The following VWA5B1 variants were observed in gnomAD, a reference collection of about 807,000 sequenced individuals.
VWA5B1 encodes von Willebrand factor A domain containing 5B1, also known as von Willebrand factor A domain-containing protein 5B1.
In VWA5B1, 115 loss-of-function variants were observed where a neutral mutation model predicts 118.2. That is an observed-to-expected ratio of 0.97 (90% CI 0.84 to 1.14). The LOEUF is 1.14. Ranked by LOEUF, VWA5B1 falls within the 50% of genes most tolerant of loss-of-function variation. The probability of loss-of-function intolerance (pLI) is 0.00; values close to 1 mark genes in which losing one functional copy is unlikely to be tolerated. For missense variants in VWA5B1, 1,596 were observed against 1,603.8 expected, an observed-to-expected ratio of 1.00 and a Z score of 0.08; for synonymous variants, 682 against 658.4, an observed-to-expected ratio of 1.04 and a Z score of -0.55.
At chr1:20,301,038 G>A (rs556980392) in intron 1 of VWA5B1, among the ~76,000 whole-genome samples, 24 of 152,358 alleles carry the variant, frequency 1.6e-4, no homozygotes, top group African/African-American at 5.1e-4. Flanking sequence ...GGCGCATTGT[G>A]TACGGGGAAG....
Position 20,314,528 on chromosome 1 carries a change from T to G in VWA5B1, c.499T>G (p.Cys167Gly). 2 of 1,551,716 alleles carry G rather than the reference T, an allele frequency of 1.3e-6. No homozygotes were observed. Among genetic ancestry groups the G allele is most frequent in the Non-Finnish European group, 1.7e-6 (2 of 1,147,014 alleles). The change falls in exon 4 of 22, where the codon TGT becomes GGT. Residue 167 changes from cysteine (C) to glycine (G), a missense_variant. Physicochemically the swap from Cys to Gly is radical, Grantham distance 159. Coordinates refer to ENST00000289815, the MANE Select transcript of VWA5B1 (RefSeq NM_001039500.3). Reference sequence around the variant, plus strand: ...TGTGAGGGTCCTTCTGCCTGCTGTCTGTGCCCCAACCGTGCCCCAGTTCTG... The same window carrying G: ...TGTGAGGGTCCTTCTGCCTGCTGTCGGTGCCCCAACCGTGCCCCAGTTCTG... ...GAVRVLLPAV[C>G]APTVPQFCTK... is the part of the protein sequence containing the mutation.
Position 20,317,535 on chromosome 1 carries a change from AC to A in VWA5B1, c.570del (p.Asp190GlufsTer22). ...TTCCCCCGGCCCTTTTCCAGCAAAG[AC>A]AGGCACTGCTTCGGTGCCTGGGCCC... Reference protein sequence around the residue: ...GTSNQQAQGKDRHCFGAWAPG... With the variant: ...GTSNQQAQGKXRHCFGAWAPG... On this transcript the variant is annotated frameshift_variant, in exon 5 of 22. Coordinates refer to ENST00000289815, the MANE Select transcript of VWA5B1 (RefSeq NM_001039500.3). LOFTEE classifies it high-confidence loss of function. 1 of 1,551,454 alleles carries A rather than the reference AC, an allele frequency of 6.4e-7. No homozygotes were observed. The highest frequency in any genetic ancestry group is 1.4e-5 in the African/African-American group (1 of 73,086).
chr1:20,348,768 GTTTC>G (rs2090063322), intron 18 of VWA5B1, among the ~76,000 whole-genome samples: 1 of 152,206 alleles, frequency 6.6e-6, no homozygotes, highest in African/African-American at 2.4e-5. Flanking sequence ...CCCACCATCT[GTTTC>G]TTTCAGGATT....
intron 1 of VWA5B1, among the ~76,000 whole-genome samples, chr1:20,304,143 C>T (rs2088577015): frequency 6.6e-6 from 1 of 152,170 alleles, no homozygotes; most frequent in Non-Finnish European, 1.5e-5. Flanking sequence ...TCAGAACTCA[C>T]AGCCCCATGG....
chr1:20,304,512 A>G (rs896592294), intron 1 of VWA5B1, among the ~76,000 whole-genome samples: 1 of 151,370 alleles, frequency 6.6e-6, no homozygotes, highest in African/African-American at 2.4e-5. Flanking sequence ...ACTCTTTTGG[A>G]CAAAATCAAT....
At chr1:20,316,777 C>T (rs2089022480) in intron 4 of VWA5B1, among the ~76,000 whole-genome samples, 1 of 152,160 alleles carries the variant, frequency 6.6e-6, no homozygotes. Flanking sequence ...AGAAATGACT[C>T]GCAGGGCTTG....
At chr1:20,351,028 C>A in intron 20 of VWA5B1, 102 bp downstream of exon 20, 1 of 1,189,152 alleles carries the variant, frequency 8.4e-7, no homozygotes, top group Non-Finnish European at 1.2e-6. Context: ...CAGGTTCAGC[C>A]TGACATTTAG....
chr1:20,314,597 G>C lies in VWA5B1; in HGVS notation c.563+5G>C. On this transcript the variant is annotated splice_donor_5th_base_variant and intron_variant, in intron 4 of 21. Transcript: ENST00000289815. ...CTCCAACCAACAGGCCCAGGGGTAA[G>C]GAAGCCCTGCCCAGACCAATCAGAG... 1 of 1,550,890 alleles carries C rather than the reference G, an allele frequency of 6.4e-7. No homozygotes were observed. Among genetic ancestry groups the C allele is most frequent in the Non-Finnish European group, 8.7e-7 (1 of 1,146,746 alleles).
At position 20,354,644 on chromosome 1, in the gene VWA5B1, C is replaced by CACGT. The variant is rs1300137532; in HGVS notation, c.*382_*385dup. 3 of 251,546 alleles carry CACGT rather than the reference C, an allele frequency of 1.2e-5. No homozygotes were observed. The highest frequency in any genetic ancestry group is 2.3e-5 in the Non-Finnish European group (3 of 130,684). 15.6% of individuals were successfully genotyped at this position (251,546 alleles called of 1,614,324 possible). A position where few individuals can be genotyped will look rare whatever the true frequency, so the allele number is the denominator to read the frequency against. ...GCCTGAGCCCTGTCTGGAGGTAGAC[C>CACGT]ACGTGGGCACGGAGTGGACACAGCA... On this transcript the variant is annotated 3_prime_UTR_variant, in exon 22 of 22. Transcript: ENST00000289815.
Position 20,341,014 on chromosome 1 carries a change from C to T in VWA5B1, c.2134-1418C>T, listed in dbSNP as rs1259075881. Among the ~76,000 whole-genome samples the T allele has an allele frequency of 4.6e-5, 7 of 152,186 alleles. No homozygotes were observed. In the East Asian group the frequency reaches 9.6e-4, roughly 21 times the overall value. ...GAACAGTTCTATGAGATTTGACTAACGTATATGGTCATGTAATCATCGCCA... is the reference window on the plus strand; with the variant it reads ...GAACAGTTCTATGAGATTTGACTAATGTATATGGTCATGTAATCATCGCCA... On this transcript the variant is annotated intron_variant, in intron 14 of 21. Transcript: ENST00000289815.
chr1:20,318,641 G>T lies in VWA5B1; in HGVS notation c.761G>T (p.Arg254Leu). ...EIRADAAPSA[R>L]SAKSIIITLA... ...CGTGCCGACGCCGCCCCATCTGCCCGCTCGGCCAAGAGCATCATCATCACC... is the reference window on the plus strand; with the variant it reads ...CGTGCCGACGCCGCCCCATCTGCCCTCTCGGCCAAGAGCATCATCATCACC... The change falls in exon 6 of 22, where the codon CGC (arginine) becomes CTC (leucine). Residue 254 changes from arginine (R) to leucine (L), a missense_variant. By Grantham distance (102) the Arg-to-Leu change is moderately radical. Transcript: ENST00000289815. 6 of 1,550,284 alleles carry T rather than the reference G, an allele frequency of 3.9e-6. No homozygotes were observed. Among genetic ancestry groups the T allele is most frequent in the South Asian group, 1.2e-5 (1 of 83,772 alleles).
intron 1 of VWA5B1, among the ~76,000 whole-genome samples, chr1:20,307,788 C>T (rs1281372892): frequency 6.8e-6 from 1 of 147,438 alleles, no homozygotes; most frequent in East Asian, 2.1e-4. Flanking sequence ...AAAGTTTATT[C>T]TTTCCAAGGG....
rs1007602102 is a variant in VWA5B1, at chr1:20,336,316, G to A, written c.1772G>A (p.Arg591Gln). Residue 591 changes from arginine (R) to glutamine (Q), a missense_variant, in exon 13 of 22, where the codon CGG becomes CAG. By Grantham distance (43) the Arg-to-Gln change is conservative. Coordinates refer to ENST00000289815, the MANE Select transcript of VWA5B1 (RefSeq NM_001039500.3). ...ISNPRSDKRRRYSMLHSQESG... is the reference protein window; with the variant it reads ...ISNPRSDKRRQYSMLHSQESG... Reference sequence around the variant, plus strand: ...TTCTCCCTACAGGACAAGAGGCGCCGGTACAGCATGCTGCACTCTCAGGAG... The same window carrying A: ...TTCTCCCTACAGGACAAGAGGCGCCAGTACAGCATGCTGCACTCTCAGGAG... 65 of 1,465,990 alleles carry A rather than the reference G, an allele frequency of 4.4e-5. No homozygotes were observed. Among genetic ancestry groups the A allele is most frequent in the Admixed American group, 1.9e-4 (8 of 41,992 alleles). The allele number at this position is 1,465,990 out of a possible 1,614,324, so 90.8% of individuals were successfully genotyped here.
intron 1 of VWA5B1, chr1:20,303,126 G>C (rs1387092813): frequency 1.3e-5 from 2 of 152,252 alleles, no homozygotes; most frequent in Non-Finnish European, 2.9e-5. Flanking sequence ...GTGGCCCTTA[G>C]AGCACGGGCT....
At chr1:20,329,114 A>G (rs1184720235) in intron 9 of VWA5B1, among the ~76,000 whole-genome samples, 1 of 152,180 alleles carries the variant, frequency 6.6e-6, no homozygotes, top group African/African-American at 2.4e-5. Context: ...CCTGCAGTCA[A>G]GCATTAAAGT....
chr1:20,341,162 A>G, intron 14 of VWA5B1, among the ~76,000 whole-genome samples: 1 of 152,244 alleles, frequency 6.6e-6, no homozygotes, highest in East Asian at 1.9e-4. Context: ...GTTCCATTGC[A>G]TGGGATATAC....
intron 1 of VWA5B1, among the ~76,000 whole-genome samples, chr1:20,309,396 C>A (rs922525233): frequency 2.6e-5 from 4 of 152,224 alleles, no homozygotes; most frequent in Non-Finnish European, 5.9e-5. Context: ...GGCCTCCCTG[C>A]AGAGGGGACC....
In VWA5B1 at chr1:20,354,448, C is replaced by T. The variant is rs2090193860; in HGVS notation, c.*185C>T. 1 of 741,284 alleles carries T rather than the reference C, an allele frequency of 1.3e-6. No individual in the cohort carries two copies. The highest frequency in any genetic ancestry group is 1.8e-5 in the African/African-American group (1 of 56,326). 45.9% of individuals were successfully genotyped at this position (741,284 alleles called of 1,614,324 possible). On this transcript the variant is annotated 3_prime_UTR_variant, in exon 22 of 22. Transcript: ENST00000289815. Reference sequence around the variant, plus strand: ...ACTTTGCTACCATCCAGCCATGCAACTTTAGGCCAGTGCCTGCCCCCGTCT... The same window carrying T: ...ACTTTGCTACCATCCAGCCATGCAATTTTAGGCCAGTGCCTGCCCCCGTCT...
chr1:20,318,968 G>T (rs2089119507), intron 6 of VWA5B1, among the ~76,000 whole-genome samples: 3 of 152,250 alleles, frequency 2.0e-5, no homozygotes, highest in Admixed American at 6.5e-5. Flanking sequence ...CCACCCATCG[G>T]GGCACTTTAC....
Sources: allele counts gnomAD v4.1 joint callset (sites outside exome capture counted in the v4.1 genomes callset), GRCh38; gene constraint gnomAD v4.1.1; transcripts MANE v1.5; gene names NCBI Gene and HGNC (gene_info 2026-07-23, HGNC 2026-07-21).